Variants in RPS5 observed in about 807,000 individuals in gnomAD.
RPS5 encodes the protein small ribosomal subunit protein uS7.
In RPS5, 2 loss-of-function variants were observed where a neutral mutation model predicts 20.9. That is an observed-to-expected ratio of 0.10 (90% confidence interval 0.04 to 0.30). The LOEUF (loss-of-function observed/expected upper bound fraction) is 0.30. Ranked by LOEUF, RPS5 falls within the 10% of genes least tolerant of loss-of-function variation. RPS5 has a pLI of 1.00. For synonymous variants in RPS5, 112 were observed against 105.8 expected (o/e 1.06, Z -0.36); for missense variants, 122 against 287.2 (o/e 0.42, Z 4.16).
At chr19:58,388,633 G>A (rs935243133) in intron 2 of RPS5, 3 of 275,088 alleles carry the variant, frequency 1.1e-5, no homozygotes, top group African/African-American at 5.1e-5. Flanking sequence ...TCAGCTGGCC[G>A]TAGTTTTTTT....
chr19:58,388,359 A>G, intron 2 of RPS5, 114 bp downstream of exon 2: 1 of 732,482 alleles, frequency 1.4e-6, no homozygotes, highest in Non-Finnish European at 2.4e-6. Flanking sequence ...CATAACAGGT[A>G]AAGAAGGGAT....
At chr19:58,387,840 C>G in intron 1 of RPS5, 1 of 406,664 alleles carries the variant, frequency 2.5e-6, no homozygotes, top group African/African-American at 2.0e-5. Context: ...ACAGCCCATG[C>G]AGTGTGAGGA....
At chr19:58,388,019 T>G in intron 1 of RPS5, 118 bp from the exon 2 acceptor site, 1 of 672,708 alleles carries the variant, frequency 1.5e-6, no homozygotes, top group Non-Finnish European at 2.6e-6. Context: ...TTCTTGGTCC[T>G]TTGCGACCCC....
intron 2 of RPS5, 175 bp downstream of exon 2, chr19:58,388,420 G>A (rs1347678177): frequency 1.7e-6 from 1 of 595,000 alleles, no homozygotes; most frequent in Non-Finnish European, 3.0e-6. Flanking sequence ...GTTCAAAGAT[G>A]ACTACAACTT....
intron 2 of RPS5, chr19:58,388,638 T>G (rs2052343124): frequency 3.0e-5 from 3 of 99,510 alleles, no homozygotes; most frequent in Admixed American, 2.0e-4. Context: ...TGGCCGTAGT[T>G]TTTTTTTTTT....
In RPS5 at chr19:58,387,290, C is replaced by G. The variant is rs564366321; in HGVS notation, c.-51C>G. 2 of 152,284 alleles carry G rather than the reference C, an allele frequency of 1.3e-5. No individual in the cohort carries two copies. Among genetic ancestry groups the G allele is most frequent in the African/African-American group, 4.8e-5 (2 of 41,468 alleles). 9.4% of individuals were successfully genotyped at this position (152,284 alleles called of 1,614,324 possible). A position where few individuals can be genotyped will look rare whatever the true frequency, so the allele number is the denominator to read the frequency against. ...CGGCCTCTTCCTGTCTGTACCAGGG[C>G]GGCGCGTGGTCTACGCCGAGTGACA... On this transcript the variant is annotated 5_prime_UTR_variant, in exon 1 of 6. Coordinates refer to ENST00000196551, the MANE Select transcript of RPS5 (RefSeq NM_001009.4).
chr19:58,392,251 G>T (rs2052367922), intron 2 of RPS5, among the ~76,000 whole-genome samples: 1 of 152,074 alleles, frequency 6.6e-6, no homozygotes, highest in African/African-American at 2.4e-5. Flanking sequence ...TTGAACCCAG[G>T]AGGCAGAAGT....
At chr19:58,388,101 C>A in intron 1 of RPS5, 36 bp from the exon 2 acceptor site, 1 of 1,472,068 alleles carries the variant, frequency 6.8e-7, no homozygotes, top group Admixed American at 1.8e-5. Context: ...GCTAGCTGAG[C>A]TCTGACGTTT....
In RPS5 at chr19:58,394,775, C is replaced by G; in HGVS notation, c.*25C>G. 1 of 1,612,704 alleles carries G rather than the reference C, an allele frequency of 6.2e-7. No homozygotes were observed. Among genetic ancestry groups the G allele is most frequent in the Non-Finnish European group, 8.5e-7 (1 of 1,178,938 alleles). The stretch of plus-strand genomic sequence containing the variant: ...ATTTTCCCAGCTGCTGCCCAATAAA[C>G]CTGTCTGCCCTTTGGGGCAGTCCCA... On this transcript the variant is annotated 3_prime_UTR_variant, in exon 6 of 6. Coordinates refer to ENST00000196551, the MANE Select transcript of RPS5 (RefSeq NM_001009.4).
At position 58,394,599 on chromosome 19, in the gene RPS5, G is replaced by C; in HGVS notation, c.546+4G>C. ...TGAGCTCATCAATGCTGCCAAGGTGGGTGAGGGCACTCCGGTTGGGGGGTC... is the reference window on the plus strand; with the variant it reads ...TGAGCTCATCAATGCTGCCAAGGTGCGTGAGGGCACTCCGGTTGGGGGGTC... On this transcript the variant is annotated splice_donor_region_variant and intron_variant, in intron 5 of 5. Transcript: ENST00000196551. 1.2e-6 allele frequency: 2 copies of C among 1,614,058 alleles called. No individual in the cohort carries two copies. The highest frequency in any genetic ancestry group is 1.7e-6 in the Non-Finnish European group (2 of 1,179,934).
At chr19:58,387,439 T>A (rs1054708998) in intron 1 of RPS5, 100 bp downstream of exon 1, 2 of 152,252 alleles carry the variant, frequency 1.3e-5, no homozygotes, top group Non-Finnish European at 2.9e-5. Context: ...CTCATTTCTG[T>A]CTCTGGAAAA....
At chr19:58,392,421 C>T (rs2052369654) in intron 2 of RPS5, among the ~76,000 whole-genome samples, 1 of 151,972 alleles carries the variant, frequency 6.6e-6, no homozygotes, top group South Asian at 2.1e-4. Flanking sequence ...GCCAGGAGTT[C>T]AAGACCAGCC....
Position 58,394,776 on chromosome 19 carries a change from C to G in RPS5, c.*26C>G. The G allele has an allele frequency of 6.2e-7, 1 of 1,612,724 alleles. No homozygotes were observed. The highest frequency in any genetic ancestry group is 8.5e-7 in the Non-Finnish European group (1 of 1,178,910). ...TTTTCCCAGCTGCTGCCCAATAAAC[C>G]TGTCTGCCCTTTGGGGCAGTCCCAG... On this transcript the variant is annotated 3_prime_UTR_variant, in exon 6 of 6. Transcript: ENST00000196551.
intron 4 of RPS5, 27 bp downstream of exon 4, chr19:58,393,514 AGGGTGGACACAGCCACGGGAGT>A (rs1568574674): frequency 3.1e-6 from 5 of 1,590,970 alleles, no homozygotes; most frequent in Non-Finnish European, 4.3e-6. Flanking sequence ...TGCACGTGGC[AGGGTGGACACAGCCACGGGAGT>A]GGGTGGGGTC....
chr19:58,394,209 C>T (rs534914084), intron 4 of RPS5: 13 of 384,992 alleles, frequency 3.4e-5, no homozygotes, highest in Admixed American at 7.6e-5. Context: ...CTCAGCATCC[C>T]GAAGTGTTAC....
In RPS5 at chr19:58,393,204, G is replaced by C; in HGVS notation, c.318+19G>C. On this transcript the variant is annotated intron_variant, in intron 3 of 5. Transcript: ENST00000196551. ...AGGCGAGGTAGGGCTCTGTGGCCTG[G>C]TGAGGGCAGGCTGTGCCCTCAGTAC... is the stretch of plus-strand genomic sequence containing the variant. 1.2e-6 allele frequency: 2 copies of C among 1,613,834 alleles called. No individual in the cohort carries two copies. Among genetic ancestry groups the C allele is most frequent in the Non-Finnish European group, 1.7e-6 (2 of 1,179,704 alleles).
chr19:58,393,819 A>T (rs1031231251), intron 4 of RPS5: 3 of 263,560 alleles, frequency 1.1e-5, no homozygotes, highest in African/African-American at 2.2e-5. Flanking sequence ...AGGTGTCTTT[A>T]AAAACAAAGA....
At chr19:58,389,395 C>G (rs1228556378) in intron 2 of RPS5, among the ~76,000 whole-genome samples, 1 of 151,978 alleles carries the variant, frequency 6.6e-6, no homozygotes, top group Non-Finnish European at 1.5e-5. Flanking sequence ...GTCTTAGACT[C>G]CAACTAGCTG....
intron 2 of RPS5, among the ~76,000 whole-genome samples, chr19:58,390,420 C>G (rs1424117085): frequency 2.2e-5 from 3 of 135,696 alleles, no homozygotes; most frequent in African/African-American, 8.4e-5. Context: ...ACACTGGCCA[C>G]TGTTACTTTT....
Sources: allele counts gnomAD v4.1 joint callset (sites outside exome capture counted in the v4.1 genomes callset), GRCh38; gene constraint gnomAD v4.1.1; transcripts MANE v1.5; gene names NCBI Gene and HGNC (gene_info 2026-07-23, HGNC 2026-07-21).